Variants in ANKRD11 observed in about 807,000 individuals in gnomAD.
ANKRD11 encodes the protein ankyrin repeat domain 11.
A neutral mutation model predicts 195.7 loss-of-function variants in ANKRD11; 17 were observed. The ratio of observed to expected loss-of-function variants is 0.09; its 90% CI spans 0.06 to 0.13. The LOEUF (loss-of-function observed/expected upper bound fraction) is 0.13, where lower values mean the gene tolerates loss of function less well. Ranked by LOEUF, ANKRD11 falls within the 10% of genes least tolerant of loss-of-function variation. ANKRD11 has a pLI of 1.00. For missense variants in ANKRD11, 3,735 were observed against 3,566.1 expected (o/e 1.05, Z -1.21); for synonymous variants, 1,953 against 1,528.1 (o/e 1.28, Z -6.49).
intron 1 of ANKRD11, among the ~76,000 whole-genome samples, chr16:89,450,172 C>T (rs2044005947): frequency 1.3e-5 from 2 of 152,180 alleles, no homozygotes; most frequent in Non-Finnish European, 2.9e-5. Context: ...ACCCTGACTT[C>T]CTCTTAACCT....
rs972932201 is a variant in ANKRD11, at chr16:89,359,348, G to A, written c.-59-42270C>T. ...CCCATACAACTCAATCGCACGTACA[G>A]CCCTTTAAAAAGCAGACTCCCAGGG... On this transcript the variant is annotated intron_variant, in intron 2 of 12. Transcript: ENST00000301030. Among the ~76,000 whole-genome samples, 20 of 152,268 alleles carry A rather than the reference G, an allele frequency of 1.3e-4. 1 individual carries two copies. The highest frequency in any genetic ancestry group is 4.6e-4 in the African/African-American group (19 of 41,544).
intron 1 of ANKRD11, among the ~76,000 whole-genome samples, chr16:89,434,618 T>TAG (rs2043137517): frequency 1.3e-5 from 2 of 152,124 alleles, no homozygotes; most frequent in African/African-American, 4.8e-5. Flanking sequence ...TCCATGCCTA[T>TAG]AAATTCCACA....
intron 1 of ANKRD11, among the ~76,000 whole-genome samples, chr16:89,446,016 A>C (rs12928982): frequency 0.51 from 76,266 of 148,338 alleles, 19,581 homozygotes; most frequent in Middle Eastern, 0.65. Context: ...AAAAAAAAAA[A>C]AAAACCAGCC....
intron 9 of ANKRD11, 175 bp downstream of exon 9, chr16:89,278,897 G>T (rs549327134): frequency 1.8e-6 from 2 of 1,102,600 alleles, no homozygotes; most frequent in South Asian, 1.3e-5. Context: ...CAGCTGGGCA[G>T]CTTCCGGCTT....
intron 2 of ANKRD11, among the ~76,000 whole-genome samples, chr16:89,403,013 T>A (rs1460727883): frequency 6.6e-6 from 1 of 152,098 alleles, no homozygotes; most frequent in East Asian, 1.9e-4. Flanking sequence ...AGCCCCACCA[T>A]CAAACACCAG....
intron 2 of ANKRD11, among the ~76,000 whole-genome samples, chr16:89,388,452 T>C (rs1315089127): frequency 6.6e-6 from 1 of 151,978 alleles, no homozygotes; most frequent in East Asian, 1.9e-4. Flanking sequence ...ATTTTTAATG[T>C]CTTGAAAATC....
At chr16:89,338,089 G>C (rs888847506) in intron 2 of ANKRD11, among the ~76,000 whole-genome samples, 1 of 152,170 alleles carries the variant, frequency 6.6e-6, no homozygotes, top group South Asian at 2.1e-4. Flanking sequence ...GGAGCCCCAG[G>C]GGCCCCCACT....
At chr16:89,296,035 A>T (rs1481459349) in intron 4 of ANKRD11, among the ~76,000 whole-genome samples, 2 of 109,690 alleles carry the variant, frequency 1.8e-5, no homozygotes, top group Non-Finnish European at 1.7e-5. Flanking sequence ...GTAGCCAAGG[A>T]TGGAGCACAG....
At chr16:89,461,632 C>T (rs574094255) in intron 1 of ANKRD11, among the ~76,000 whole-genome samples, 23 of 152,178 alleles carry the variant, frequency 1.5e-4, no homozygotes, top group Admixed American at 2.6e-4. Flanking sequence ...TGAGCCACCA[C>T]ACCCCACTTA....
intron 1 of ANKRD11, among the ~76,000 whole-genome samples, chr16:89,453,055 G>C (rs1307261838): frequency 6.6e-6 from 1 of 152,160 alleles, no homozygotes; most frequent in Non-Finnish European, 1.5e-5. Context: ...CAAAGTGCTG[G>C]GATGACAGAT....
intron 1 of ANKRD11, among the ~76,000 whole-genome samples, chr16:89,486,102 A>T (rs555744195): frequency 2.6e-5 from 4 of 152,336 alleles, no homozygotes; most frequent in African/African-American, 9.6e-5. Flanking sequence ...GTTCTGCCTT[A>T]ATTGTGAAAA....
intron 1 of ANKRD11, among the ~76,000 whole-genome samples, chr16:89,457,953 C>T (rs2056509039): frequency 6.6e-6 from 1 of 152,118 alleles, no homozygotes; most frequent in South Asian, 2.1e-4. Flanking sequence ...TGAGACGGCA[C>T]CTCGCAATGA....
At chr16:89,393,789 G>A (rs535055848) in intron 2 of ANKRD11, among the ~76,000 whole-genome samples, 5 of 152,246 alleles carry the variant, frequency 3.3e-5, no homozygotes, top group African/African-American at 9.6e-5. Flanking sequence ...AGCTCTGCAT[G>A]GCATCTCGCA....
At chr16:89,373,963 C>G (rs74957734) in intron 2 of ANKRD11, among the ~76,000 whole-genome samples, 2,148 of 152,344 alleles carry the variant, frequency 0.014, 47 homozygotes, top group African/African-American at 0.05. Context: ...GGGGCCCTGG[C>G]CCACTCGACA....
At chr16:89,289,605 C>A (rs1049003683) in intron 6 of ANKRD11, among the ~76,000 whole-genome samples, 4 of 152,186 alleles carry the variant, frequency 2.6e-5, no homozygotes, top group Non-Finnish European at 5.9e-5. Flanking sequence ...TCCAGGGTGT[C>A]GACCCAGCCG....
At chr16:89,411,064 G>A (rs1269438280) in intron 2 of ANKRD11, among the ~76,000 whole-genome samples, 1 of 151,932 alleles carries the variant, frequency 6.6e-6, no homozygotes, top group Non-Finnish European at 1.5e-5. Flanking sequence ...CAGAGGGAGG[G>A]GCGGCCAGTG....
chr16:89,335,818 GA>G (rs1426876288), intron 2 of ANKRD11, among the ~76,000 whole-genome samples: 1 of 152,190 alleles, frequency 6.6e-6, no homozygotes, highest in East Asian at 1.9e-4. Context: ...GTTTGACCCA[GA>G]GAGTACCTGT....
At chr16:89,487,855 ACTCT>A (rs2057672412) in intron 1 of ANKRD11, among the ~76,000 whole-genome samples, 1 of 152,094 alleles carries the variant, frequency 6.6e-6, no homozygotes, top group Non-Finnish European at 1.5e-5. Flanking sequence ...AGTTTCCTTC[ACTCT>A]ATTTGTAGGG....
At chr16:89,450,024 A>G (rs1002632551) in intron 1 of ANKRD11, among the ~76,000 whole-genome samples, 1 of 152,186 alleles carries the variant, frequency 6.6e-6, no homozygotes, top group African/African-American at 2.4e-5. Flanking sequence ...CACAACAGGA[A>G]AAGGCATTCT....
Sources: allele counts gnomAD v4.1 joint callset (sites outside exome capture counted in the v4.1 genomes callset), GRCh38; gene constraint gnomAD v4.1.1; transcripts MANE v1.5; gene names NCBI Gene and HGNC (gene_info 2026-07-23, HGNC 2026-07-21).